The following DZIP1 variants were observed in gnomAD, a reference collection of about 807,000 sequenced individuals.
The protein encoded by DZIP1 is cilium assembly protein DZIP1.
In DZIP1, 97 loss-of-function variants were observed where a neutral mutation model predicts 107.6. The observed-to-expected ratio is 0.90, with a 90% CI of 0.77 to 1.07. The LOEUF is 1.07. Among genes scored for constraint, DZIP1 ranks in the 50% least tolerant of loss-of-function variants. The pLI is 0.00. For synonymous variants in DZIP1, 390 were observed against 386.4 expected, an observed-to-expected ratio of 1.01 and a Z score of -0.11; for missense variants, 1,035 against 1,063.6, an observed-to-expected ratio of 0.97 and a Z score of 0.37.
chr13:95,628,896 G>C (rs1361705949), intron 7 of DZIP1, among the ~76,000 whole-genome samples: 1 of 152,178 alleles, frequency 6.6e-6, no homozygotes, highest in Non-Finnish European at 1.5e-5. Flanking sequence ...TTAATGGGTA[G>C]AGTTTCAGTT....
chr13:95,641,823 G>T lies in DZIP1; in HGVS notation c.69C>A (p.Ala23=). 2 of 1,469,524 alleles carry T rather than the reference G, an allele frequency of 1.4e-6. No individual in the cohort carries two copies. Among genetic ancestry groups the T allele is most frequent in the Middle Eastern group, 2.2e-4 (1 of 4,484 alleles). 91.0% of individuals were successfully genotyped at this position (1,469,524 alleles called of 1,614,324 possible). A position where few individuals can be genotyped will look rare whatever the true frequency, so the allele number is the denominator to read the frequency against. Residue 23 remains alanine, a synonymous_variant, in exon 5 of 23, where the codon GCC becomes GCA. Coordinates refer to ENST00000376829, the MANE Select transcript of DZIP1 (RefSeq NM_198968.4). The surrounding 1 kb of genome is among the most constrained non-coding windows in gnomAD (Gnocchi z 4.3). ...CGACGTCGGGCCCCTCTGGGCCGCT[G>T]GCGAGCGGGTAGTAGACATGCTTCT... The part of the protein sequence containing the change: ...PFQKHVYYPL[A]SGPEGPDVAV...
chr13:95,599,485 C>T, intron 14 of DZIP1, 61 bp from the exon 15 acceptor site: 1 of 1,355,564 alleles, frequency 7.4e-7, no homozygotes, highest in East Asian at 2.3e-5. Context: ...ACATTAGTTT[C>T]CTTTCAAATG....
At chr13:95,598,361 TATAAAA>T (rs1368918189) in intron 15 of DZIP1, among the ~76,000 whole-genome samples, 1 of 152,134 alleles carries the variant, frequency 6.6e-6, no homozygotes, top group Non-Finnish European at 1.5e-5. Flanking sequence ...AAACAAACCC[TATAAAA>T]ATATCAAAAA....
chr13:95,605,529 T>C (rs1382371769), intron 14 of DZIP1, among the ~76,000 whole-genome samples: 1 of 152,228 alleles, frequency 6.6e-6, no homozygotes, highest in Non-Finnish European at 1.5e-5. Context: ...ACCTATTTCC[T>C]TTAGTTTCCA....
chr13:95,603,945 C>T (rs959111790), intron 14 of DZIP1, among the ~76,000 whole-genome samples: 8 of 152,188 alleles, frequency 5.3e-5, no homozygotes, highest in Admixed American at 1.3e-4. Context: ...GCTGCTTTAG[C>T]TCACCCTCTC....
At chr13:95,621,779 G>A (rs186114225) in intron 9 of DZIP1, among the ~76,000 whole-genome samples, 3 of 150,762 alleles carry the variant, frequency 2.0e-5, no homozygotes, top group African/African-American at 7.3e-5. Context: ...GTGCAATGGC[G>A]TGATCTCAGC....
rs913431799 is a variant in DZIP1, at chr13:95,579,433, C to T, written c.*2801G>A. 2 of 152,206 alleles carry T rather than the reference C, an allele frequency of 1.3e-5. No individual in the cohort carries two copies. Among genetic ancestry groups the T allele is most frequent in the African/African-American group, 4.8e-5 (2 of 41,450 alleles). 9.4% of individuals were successfully genotyped at this position (152,206 alleles called of 1,614,324 possible). A position where few individuals can be genotyped will look rare whatever the true frequency, so the allele number is the denominator to read the frequency against. On this transcript the variant is annotated 3_prime_UTR_variant, in exon 23 of 23. Transcript: ENST00000376829. ...CTCCTCACAGCCATCCTAGGAGATA[C>T]ATATTGTTTTCATCCTGCATTTACA...
chr13:95,629,201 G>C (rs1387493254), intron 7 of DZIP1, among the ~76,000 whole-genome samples: 1 of 152,208 alleles, frequency 6.6e-6, no homozygotes, highest in Non-Finnish European at 1.5e-5. Flanking sequence ...AATGCTCTTT[G>C]ATGGCCTTAC....
At position 95,642,126 on chromosome 13, in the gene DZIP1, C is replaced by CGCG. The variant is rs1276968819; in HGVS notation, c.-100_-98dup. The CGCG allele has an allele frequency of 1.6e-5, 22 of 1,407,534 alleles. No individual in the cohort carries two copies. Among genetic ancestry groups the CGCG allele is most frequent in the South Asian group, 3.2e-5 (2 of 63,312 alleles). 87.2% of individuals were successfully genotyped at this position (1,407,534 alleles called of 1,614,324 possible). ...GGGAGAAGGCCGGGTTCCTCGCTTC[C>CGCG]GCGGCGGCGGCGGCCTAAGGTCTGG... On this transcript the variant is annotated 5_prime_UTR_variant, in exon 4 of 23. Transcript: ENST00000376829.
intron 14 of DZIP1, among the ~76,000 whole-genome samples, chr13:95,602,335 C>T (rs1039413170): frequency 5.3e-5 from 8 of 152,202 alleles, no homozygotes; most frequent in African/African-American, 1.9e-4. Context: ...CAAATGTCAG[C>T]TACGCCAGGA....
Position 95,608,458 on chromosome 13 carries a change from T to G in DZIP1, c.1420+999A>C, listed in dbSNP as rs1402533343. Among the ~76,000 whole-genome samples, 4 of 151,434 alleles carry G rather than the reference T, an allele frequency of 2.6e-5. No homozygotes were observed. The East Asian group carries it at 7.7e-4, about 29-fold the overall frequency. On this transcript the variant is annotated intron_variant, in intron 13 of 22. Transcript: ENST00000376829. ...AAATATAGACTTGGGTTTTTTTTTTTTTTGGTTTTTTTTCCTGCATAGATA... is the reference window on the plus strand; with the variant it reads ...AAATATAGACTTGGGTTTTTTTTTTGTTTGGTTTTTTTTCCTGCATAGATA...
chr13:95,584,785 A>C lies in DZIP1; in HGVS notation c.2475T>G (p.His825Gln), dbSNP rs893097867. Reference sequence around the variant, plus strand: ...TAAATGCGCCCCAGGCATTTAGCACATGAGCAAAATGTGGTTCATTTTTCG... The same window carrying C: ...TAAATGCGCCCCAGGCATTTAGCACCTGAGCAAAATGTGGTTCATTTTTCG... ...PPAKNEPHFAHVLNAWGAFNP... is the reference protein window; with the variant it reads ...PPAKNEPHFAQVLNAWGAFNP... Residue 825 changes from histidine to glutamine, a missense_variant, in exon 22 of 23, where the codon CAT (histidine) becomes CAG (glutamine). Coordinates refer to ENST00000376829, the MANE Select transcript of DZIP1 (RefSeq NM_198968.4). 1 of 1,614,162 alleles carries C rather than the reference A, an allele frequency of 6.2e-7. No homozygotes were observed. The highest frequency in any genetic ancestry group is 1.7e-5 in the Admixed American group (1 of 60,026).
rs1489737613 is a variant in DZIP1 at position 95,589,924 on chromosome 13, T to A, written c.1852A>T (p.Ser618Cys). The change falls in exon 18 of 23, where the codon AGT (serine) becomes TGT (cysteine). Residue 618 changes from serine (S) to cysteine (C), a missense_variant. By Grantham distance (112) the Ser-to-Cys change is moderately radical. Coordinates refer to ENST00000376829, the MANE Select transcript of DZIP1 (RefSeq NM_198968.4). The part of the protein sequence containing the change: ...EKALLSSDQC[S>C]VSQMDTLSTG... ...GAAAGGGTATCCATTTGAGAAACAC[T>A]GCACTGATCTGGAATATAGTGTCAT... 1.2e-6 allele frequency: 2 copies of A among 1,613,664 alleles called. No individual in the cohort carries two copies. The highest frequency in any genetic ancestry group is 1.7e-6 in the Non-Finnish European group (2 of 1,179,880).
At chr13:95,617,236 C>T (rs1473039416) in intron 10 of DZIP1, among the ~76,000 whole-genome samples, 4 of 151,918 alleles carry the variant, frequency 2.6e-5, no homozygotes, top group Non-Finnish European at 5.9e-5. Flanking sequence ...AGTCCCAGGC[C>T]CTTCCTGAAG....
chr13:95,635,994 G>A (rs1166276544), intron 5 of DZIP1, among the ~76,000 whole-genome samples: 1 of 147,438 alleles, frequency 6.8e-6, no homozygotes, highest in Non-Finnish European at 1.5e-5. Flanking sequence ...GGAAGGAAGG[G>A]AGGGAGGGAG....
intron 7 of DZIP1, among the ~76,000 whole-genome samples, chr13:95,629,320 A>G (rs1299328131): frequency 1.3e-5 from 2 of 152,266 alleles, no homozygotes; most frequent in Non-Finnish European, 2.9e-5. Context: ...TCAATGAATC[A>G]TGGGCCTCTT....
chr13:95,589,826 A>G lies in DZIP1; in HGVS notation c.1950T>C (p.Ser650=), dbSNP rs202157147. 338 of 1,613,968 alleles carry G rather than the reference A, an allele frequency of 2.1e-4. No individual in the cohort carries two copies. The highest frequency in any genetic ancestry group is 2.8e-4 in the Non-Finnish European group (329 of 1,179,976). The change falls in exon 18 of 23, where the codon TCT becomes TCC. Residue 650 remains serine (S), a synonymous_variant. Transcript: ENST00000376829. ...NRQLIRQKAV[S]TDRTSVPKIK... Reference sequence around the variant, plus strand: ...ACTTTGGAACAGATGTCCTATCAGTAGAAACAGCTTTTTGTCTAATCAGTT... The same window carrying G: ...ACTTTGGAACAGATGTCCTATCAGTGGAAACAGCTTTTTGTCTAATCAGTT...
chr13:95,602,027 G>A (rs2044630958), intron 14 of DZIP1, among the ~76,000 whole-genome samples: 1 of 152,088 alleles, frequency 6.6e-6, no homozygotes, highest in Middle Eastern at 3.4e-3. Context: ...CTCTGGTCAG[G>A]CCAAGCCTCC....
chr13:95,636,114 G>T (rs550081056), intron 5 of DZIP1, among the ~76,000 whole-genome samples: 1 of 144,734 alleles, frequency 6.9e-6, no homozygotes, highest in South Asian at 2.1e-4. Context: ...TCACATCACA[G>T]AACATAAGAG....
Sources: allele counts gnomAD v4.1 joint callset (sites outside exome capture counted in the v4.1 genomes callset), GRCh38; gene constraint gnomAD v4.1.1; non-coding constraint Gnocchi (gnomAD v3.1); transcripts MANE v1.5; gene names NCBI Gene and HGNC (gene_info 2026-07-23, HGNC 2026-07-21).